The following ZNF534 variants were observed in gnomAD, a reference collection of about 807,000 sequenced individuals.
ZNF534 encodes KRAB domain only 3.
In ZNF534, 19 loss-of-function variants were observed where a neutral mutation model predicts 13.6. The ratio of observed to expected loss-of-function variants is 1.40; its 90% CI spans 0.97 to 2.05. The LOEUF (loss-of-function observed/expected upper bound fraction) is 2.05, where lower values mean the gene tolerates loss of function less well. Among genes scored for constraint, ZNF534 ranks in the 30% most tolerant of loss-of-function variants. ZNF534 has a pLI of 0.00. For missense variants in ZNF534, 782 were observed against 796.3 expected, an observed-to-expected ratio of 0.98 and a Z score of 0.22; for synonymous variants, 244 against 273.8, an observed-to-expected ratio of 0.89 and a Z score of 1.07.
rs2059140997 is a variant in ZNF534 at position 52,438,112 on chromosome 19, G to C, written c.652G>C (p.Asp218His). ...HIADKTYKCS[D>H]CGEIFSSNSN... ...TGCAGATAAAACTTACAAATGTAGT[G>C]ACTGTGGCGAGATCTTTAGTAGCAA... The change falls in exon 5 of 5, where the codon GAC becomes CAC. Residue 218 changes from aspartate (D) to histidine (H), a missense_variant. This residue lies in a region of ZNF534 where 591 missense variants were observed against 574.0 expected (regional missense o/e 1.03). Transcript: ENST00000433050. The C allele has an allele frequency of 1.7e-5, 28 of 1,614,084 alleles. No individual in the cohort carries two copies. The highest frequency in any genetic ancestry group is 2.4e-5 in the Non-Finnish European group (28 of 1,179,996).
At chr19:52,437,209 G>C (rs999587439) in intron 4 of ZNF534, among the ~76,000 whole-genome samples, 4 of 152,088 alleles carry the variant, frequency 2.6e-5, no homozygotes, top group Admixed American at 1.3e-4. Context: ...GTATTTGTCA[G>C]CTTATAATCT....
chr19:52,450,755 CAGCTCACTGCAACCTCTGCCTCCCA>C, intron 4 of ZNF534, among the ~76,000 whole-genome samples: 1 of 138,008 alleles, frequency 7.2e-6, no homozygotes, highest in South Asian at 2.4e-4. Context: ...AGTGCGATTT[CAGCTCACTGCAACCTCTGCCTCCCA>C]GGCTCAAGCG....
chr19:52,431,870 T>C (rs1364799701), intron 2 of ZNF534, among the ~76,000 whole-genome samples: 1 of 146,656 alleles, frequency 6.8e-6, no homozygotes, highest in Non-Finnish European at 1.5e-5. Flanking sequence ...TTTTTTTTTT[T>C]TGAGACAGAG....
At chr19:52,435,341 A>T in intron 4 of ZNF534, 132 bp downstream of exon 4, 6 of 1,103,828 alleles carry the variant, frequency 5.4e-6, no homozygotes, top group Non-Finnish European at 7.4e-6. Context: ...GACTTAAGGG[A>T]TCCTTCTGGC....
chr19:52,447,993 A>G (rs2059200297), intron 4 of ZNF534, among the ~76,000 whole-genome samples: 1 of 152,048 alleles, frequency 6.6e-6, no homozygotes, highest in Admixed American at 6.6e-5. Flanking sequence ...CAAATTGTAT[A>G]TAATTGCTGT....
Position 52,441,612 on chromosome 19 carries a change from G to C in ZNF534, c.*2166G>C, listed in dbSNP as rs116681907. Among the ~76,000 whole-genome samples, 1 of 152,266 alleles carries C rather than the reference G, an allele frequency of 6.6e-6. No individual in the cohort carries two copies. The highest frequency in any genetic ancestry group is 2.4e-5 in the African/African-American group (1 of 41,548). ...TGCAGAGAAGCCTTACAAATGCAGCGAATGTGACAAAGCATTTAGATAATG... is the reference window on the plus strand; with the variant it reads ...TGCAGAGAAGCCTTACAAATGCAGCCAATGTGACAAAGCATTTAGATAATG... On this transcript the variant is annotated 3_prime_UTR_variant, in exon 5 of 5. Transcript: ENST00000433050.
Position 52,433,974 on chromosome 19 carries a change from A to C in ZNF534, c.35A>C (p.Asp12Ala). Reference sequence around the variant, plus strand: ...TTTTAGGGGCAATTGTCATTCAGCGATGTGGCCATAGAATTCTCTCAGGAG... The same window carrying C: ...TTTTAGGGGCAATTGTCATTCAGCGCTGTGGCCATAGAATTCTCTCAGGAG... ...ALTQGQLSFS[D>A]VAIEFSQEEW... is the part of the protein sequence containing the mutation. Residue 12 changes from aspartate to alanine, a missense_variant, in exon 3 of 5, where the codon GAT (aspartate) becomes GCT (alanine). By Grantham distance (126) the Asp-to-Ala change is moderately radical (BLOSUM62 -2). Around this residue, in one of 5 missense-constraint regions of ZNF534, gnomAD observed 81 missense variants for 63.5 expected, o/e 1.28. Coordinates refer to ENST00000433050, the MANE Select transcript of ZNF534 (RefSeq NM_001143938.3). The C allele has an allele frequency of 6.2e-7, 1 of 1,614,050 alleles. No homozygotes were observed.
rs146158485 is a variant in ZNF534 at position 52,436,477 on chromosome 19, A to G, written c.272-1255A>G. Among the ~76,000 whole-genome samples the G allele has an allele frequency of 7.2e-5, 11 of 152,234 alleles. No homozygotes were observed. The East Asian group carries it at 2.1e-3, about 29-fold the overall frequency. ...ATGGTCAAGCTTCTTGAATTTGTAT[A>G]TTCAGTTCTTTCCTCAGATGTGTGA... On this transcript the variant is annotated intron_variant, in intron 4 of 4. Transcript: ENST00000433050.
In ZNF534 at chr19:52,435,223, T is replaced by A. The variant is rs1568443104; in HGVS notation, c.271+14T>A. 1 of 1,598,214 alleles carries A rather than the reference T, an allele frequency of 6.3e-7. No individual in the cohort carries two copies. Among genetic ancestry groups the A allele is most frequent in the Non-Finnish European group, 8.5e-7 (1 of 1,173,266 alleles). ...GTGTGAACACAGGTGAGAGCTCAGG[T>A]GGGCAGAGTGGAGGCCCCATAATTT... On this transcript the variant is annotated intron_variant, in intron 4 of 4. Transcript: ENST00000433050.
In ZNF534 at chr19:52,439,358, C is replaced by T. The variant is rs971731241; in HGVS notation, c.1898C>T (p.Pro633Leu). Residue 633 changes from proline to leucine, a missense_variant, in exon 5 of 5, where the codon CCT (proline) becomes CTT (leucine). By Grantham distance (98) the Pro-to-Leu change is moderately conservative. Transcript: ENST00000433050. ...QHRNIHTGVK[P>L]YSCNECGKVF... ...AGGAATATTCATACTGGAGTGAAGC[C>T]TTACAGTTGTAATGAATGTGGCAAG... The T allele has an allele frequency of 1.0e-5, 16 of 1,552,460 alleles. No individual in the cohort carries two copies. The highest frequency in any genetic ancestry group is 1.4e-5 in the African/African-American group (1 of 73,024).
rs2059168687 is a variant in ZNF534, at chr19:52,440,936, C to T, written c.*1490C>T. On this transcript the variant is annotated 3_prime_UTR_variant, in exon 5 of 5. Transcript: ENST00000433050. ...TTTCCCCCGAAACAAGAGTCTCGCT[C>T]TGATGCCCAGGCTGGAGTGCAGTGG... Among the ~76,000 whole-genome samples the T allele has an allele frequency of 3.3e-5, 5 of 150,158 alleles. 1 individual carries two copies. The South Asian group carries it at 6.3e-4, about 19-fold the overall frequency.
rs1304387642 is a variant in ZNF534, at chr19:52,435,133, T to A, written c.195T>A (p.Asp65Glu). The A allele has an allele frequency of 3.1e-6, 5 of 1,613,132 alleles. No individual in the cohort carries two copies. Among genetic ancestry groups the A allele is most frequent in the Non-Finnish European group, 4.2e-6 (5 of 1,179,436 alleles). Reference protein sequence around the residue: ...SVTSMLEQKRDPWTLQSEVKI... With the variant: ...SVTSMLEQKREPWTLQSEVKI... Reference sequence around the variant, plus strand: ...CCTCCATGTTGGAGCAAAAGAGAGATCCCTGGACTCTGCAGAGTGAAGTGA... The same window carrying A: ...CCTCCATGTTGGAGCAAAAGAGAGAACCCTGGACTCTGCAGAGTGAAGTGA... The change falls in exon 4 of 5, where the codon GAT (aspartate) becomes GAA (glutamate). Residue 65 changes from aspartate to glutamate, a missense_variant. Physicochemically the swap from Asp to Glu is conservative, Grantham distance 45. Around this residue, in one of 5 missense-constraint regions of ZNF534, gnomAD observed 30 missense variants for 55.4 expected, o/e 0.54. Transcript: ENST00000433050.
rs560922082 is a variant in ZNF534, at chr19:52,451,722, C to G, written c.*225C>G. On this transcript the variant is annotated 3_prime_UTR_variant, in exon 5 of 5. Coordinates refer to the ZNF534 transcript ENST00000301085. ...CAAGGTCTGGCTTGGCTGCAAAACA[C>G]TTTGTTGATGTAGGAGCTGGTATCA... The G allele has an allele frequency of 7.5e-5, 51 of 681,676 alleles. No individual in the cohort carries two copies. In the African/African-American group the frequency reaches 8.5e-4, roughly 11 times the overall value. The allele number at this position is 681,676 out of a possible 1,614,324, so 42.2% of individuals were successfully genotyped here. A position where few individuals can be genotyped will look rare whatever the true frequency, so the allele number is the denominator to read the frequency against.
intron 2 of ZNF534, among the ~76,000 whole-genome samples, chr19:52,432,569 T>G (rs1218608813): frequency 6.6e-6 from 1 of 152,244 alleles, no homozygotes; most frequent in Non-Finnish European, 1.5e-5. Flanking sequence ...AAGTGTTCTA[T>G]TCAGCCATTG....
chr19:52,449,584 A>G (rs1000594941), intron 4 of ZNF534, among the ~76,000 whole-genome samples: 2 of 152,126 alleles, frequency 1.3e-5, no homozygotes, highest in Non-Finnish European at 2.9e-5. Flanking sequence ...CTGAGATGAC[A>G]TTATATCTCA....
At chr19:52,447,255 C>G (rs2561020), downstream of ZNF534, among the ~76,000 whole-genome samples, 139,349 of 152,262 alleles carry the variant, frequency 0.92, 64,116 homozygotes, top group Non-Finnish European at 0.96. Flanking sequence ...TCATGTTGAT[C>G]AGGACATGGA....
intron 4 of ZNF534, among the ~76,000 whole-genome samples, chr19:52,448,619 T>C (rs914216025): frequency 5.3e-5 from 8 of 152,112 alleles, no homozygotes; most frequent in African/African-American, 1.9e-4. Context: ...AATTGCATTA[T>C]TTGGGCATTA....
chr19:52,441,778 TAGAG>T lies in ZNF534; in HGVS notation c.*2336_*2339del, dbSNP rs932751524. Among the ~76,000 whole-genome samples the T allele has an allele frequency of 5.3e-5, 8 of 152,298 alleles. No individual in the cohort carries two copies. The highest frequency in any genetic ancestry group is 6.8e-3 in the Middle Eastern group (2 of 294). ...AACCTTACAAATACAAATCACCACA[TAGAG>T]AGAAACCTTACAAATACAAATCACC... On this transcript the variant is annotated 3_prime_UTR_variant, in exon 5 of 5. Coordinates refer to ENST00000433050, the MANE Select transcript of ZNF534 (RefSeq NM_001143938.3).
downstream of ZNF534, among the ~76,000 whole-genome samples, chr19:52,443,276 G>A (rs565402019): frequency 2.6e-5 from 4 of 152,138 alleles, no homozygotes; most frequent in Non-Finnish European, 4.4e-5. Flanking sequence ...TATTCTTTGA[G>A]CTTCTTATGT....
Sources: gnomAD v4.1 joint callset for allele counts (sites outside exome capture counted in the v4.1 genomes callset) on GRCh38, gnomAD v4.1.1 for gene constraint, gnomAD v4.1.1 regional missense constraint, MANE v1.5 for transcripts, NCBI Gene and HGNC (gene_info 2026-07-23, HGNC 2026-07-21) for gene names.